The following USP42 variants were observed in gnomAD, a reference collection of about 807,000 sequenced individuals.
USP42 encodes the protein ubiquitin specific peptidase 42, also known as ubiquitin carboxyl-terminal hydrolase 42.
In USP42, 23 loss-of-function variants were observed where a neutral mutation model predicts 113.0. The observed-to-expected ratio is 0.20, with a 90% CI of 0.15 to 0.29. USP42 has a LOEUF of 0.29. Among genes scored for constraint, USP42 ranks in the 10% least tolerant of loss-of-function variants. The pLI is 1.00. For synonymous variants in USP42, 933 were observed against 699.0 expected (o/e 1.33, Z -5.28); for missense variants, 2,174 against 1,779.8 (o/e 1.22, Z -3.99).
chr7:6,157,238 A>G lies in USP42; in HGVS notation c.3943+183A>G. On this transcript the variant is annotated intron_variant, in intron 16 of 17. Transcript: ENST00000306177. The surrounding 1 kb of genome is among the most constrained non-coding windows in gnomAD (Gnocchi z 4.1). ...TCCCTGCAGTGTGGTTCCGTTGCAC[A>G]GTTAAGCCCTTAGCGTTTATTGAAG... The G allele has an allele frequency of 7.2e-7, 1 of 1,386,046 alleles. No homozygotes were observed. Among genetic ancestry groups the G allele is most frequent in the Non-Finnish European group, 9.3e-7 (1 of 1,075,082 alleles). 85.9% of individuals were successfully genotyped at this position (1,386,046 alleles called of 1,614,324 possible).
At chr7:6,150,804 A>C (rs973964902) in intron 14 of USP42, among the ~76,000 whole-genome samples, 1 of 152,036 alleles carries the variant, frequency 6.6e-6, no homozygotes, top group Non-Finnish European at 1.5e-5. Flanking sequence ...GTGCCATCTC[A>C]TTTCATCTTT....
intron 3 of USP42, among the ~76,000 whole-genome samples, chr7:6,130,101 T>G (rs537191872): frequency 6.6e-6 from 1 of 152,154 alleles, no homozygotes; most frequent in Admixed American, 6.5e-5. Flanking sequence ...TCCTCTTGCG[T>G]CGACCTCCGA....
chr7:6,097,547 C>T, the USP42 span, among the ~76,000 whole-genome samples: 1 of 150,712 alleles, frequency 6.6e-6, no homozygotes, highest in Non-Finnish European at 1.5e-5. Context: ...GTTGTGATTA[C>T]AAGCATAAGC....
rs1763580363 is a variant in USP42 at position 6,139,901 on chromosome 7, ACACAGCTCC to A, written c.657-218_657-210del. The A allele has an allele frequency of 1.7e-6, 1 of 573,726 alleles. No homozygotes were observed. The highest frequency in any genetic ancestry group is 3.1e-6 in the Non-Finnish European group (1 of 321,718). The allele number at this position is 573,726 out of a possible 1,614,324, so 35.5% of individuals were successfully genotyped here. The stretch of plus-strand genomic sequence containing the variant: ...TGCTTCCCGAGTCCCTTCCTGACAG[ACACAGCTCC>A]CACAGCTCTGCGTCTCCTCCCGCCA... On this transcript the variant is annotated intron_variant, in intron 5 of 17. Transcript: ENST00000306177. The surrounding 1 kb of genome is among the most constrained non-coding windows in gnomAD (Gnocchi z 4.5).
rs780504681 is a variant in USP42 at position 6,154,358 on chromosome 7, C to G, written c.2804C>G (p.Pro935Arg). ...GCCGCGGCGCCGAAAGCCCCAGGCC[C>G]TTCCCCAGCGAAGGAGAAAATCGGC... ...EDAAAPKAPG[P>R]SPAKEKIGSL... Residue 935 changes from proline to arginine, a missense_variant, in exon 15 of 18, where the codon CCT (proline) becomes CGT (arginine). By Grantham distance (103) the Pro-to-Arg change is moderately radical (BLOSUM62 -2). Coordinates refer to ENST00000306177, the MANE Select transcript of USP42 (RefSeq NM_032172.3). The G allele has an allele frequency of 1.9e-5, 30 of 1,574,306 alleles. No homozygotes were observed. The highest frequency in any genetic ancestry group is 1.3e-4 in the Admixed American group (7 of 53,974).
At position 6,133,805 on chromosome 7, in the gene USP42, C is replaced by G. The variant is rs373600173; in HGVS notation, c.443-2036C>G. Among the ~76,000 whole-genome samples, 9 of 152,212 alleles carry G rather than the reference C, an allele frequency of 5.9e-5. No individual in the cohort carries two copies. In the East Asian group the frequency reaches 1.7e-3, roughly 29 times the overall value. On this transcript the variant is annotated intron_variant, in intron 3 of 17. Coordinates refer to ENST00000306177, the MANE Select transcript of USP42 (RefSeq NM_032172.3). ...GAAGCACTGGGATGACAGGCGTAAG[C>G]CACCGCACCTGGTGCATTTTTCATC... is the stretch of plus-strand genomic sequence containing the variant.
intron 3 of USP42, among the ~76,000 whole-genome samples, chr7:6,131,638 G>T (rs1780857323): frequency 6.6e-6 from 1 of 152,166 alleles, no homozygotes; most frequent in Non-Finnish European, 1.5e-5. Context: ...GGGCTTGGTT[G>T]CCTGCAGTTG....
At position 6,135,915 on chromosome 7, in the gene USP42, G is replaced by A. The variant is rs374814529; in HGVS notation, c.517G>A (p.Val173Ile). The change falls in exon 4 of 18, where the codon GTT (valine) becomes ATT (isoleucine). Residue 173 changes from valine (V) to isoleucine (I), a missense_variant. Val to Ile is a conservative substitution (Grantham distance 29, BLOSUM62 3). Coordinates refer to ENST00000306177, the MANE Select transcript of USP42 (RefSeq NM_032172.3). Reference sequence around the variant, plus strand: ...CCAGGCACTCAGTAATCCTGGGGACGTTATTAAACCAATGTTTGTCATCAA... The same window carrying A: ...CCAGGCACTCAGTAATCCTGGGGACATTATTAAACCAATGTTTGTCATCAA... Reference protein sequence around the residue: ...ITQALSNPGDVIKPMFVINEM... With the variant: ...ITQALSNPGDIIKPMFVINEM... The A allele has an allele frequency of 1.2e-6, 2 of 1,607,234 alleles. No individual in the cohort carries two copies. Among genetic ancestry groups the A allele is most frequent in the Admixed American group, 1.7e-5 (1 of 59,386 alleles).
At chr7:6,106,442 A>G (rs1447343604) in intron 1 of USP42, among the ~76,000 whole-genome samples, 1 of 152,240 alleles carries the variant, frequency 6.6e-6, no homozygotes, top group Non-Finnish European at 1.5e-5. Flanking sequence ...CTAGCATTTG[A>G]TAACAAGGGA....
chr7:6,122,782 T>A (rs1321142372), intron 3 of USP42, among the ~76,000 whole-genome samples: 4 of 151,464 alleles, frequency 2.6e-5, no homozygotes, highest in African/African-American at 4.9e-5. Context: ...ATTTTTTTTT[T>A]AAATAGAGAT....
chr7:6,105,124 C>T lies in USP42; in HGVS notation c.-10+92C>T, dbSNP rs1339020598. 4 of 146,816 alleles carry T rather than the reference C, an allele frequency of 2.7e-5. No individual in the cohort carries two copies. In the East Asian group the frequency reaches 5.9e-4, roughly 22 times the overall value. 9.1% of individuals were successfully genotyped at this position (146,816 alleles called of 1,614,324 possible). A position where few individuals can be genotyped will look rare whatever the true frequency, so the allele number is the denominator to read the frequency against. ...TGGGCCGCCGCTGGCTCGGCCGCCC[C>T]TCAGCCGGCGCGGCCCGCCGGGGGC... On this transcript the variant is annotated intron_variant, in intron 1 of 17. Transcript: ENST00000306177.
At chr7:6,109,817 C>T (rs779463382) in intron 1 of USP42, among the ~76,000 whole-genome samples, 44 of 151,320 alleles carry the variant, frequency 2.9e-4, no homozygotes, top group Admixed American at 5.3e-4. Flanking sequence ...TTTCCTGACT[C>T]AGCCTCCCAA....
At chr7:6,082,387 C>T in the USP42 span, among the ~76,000 whole-genome samples, 1 of 151,774 alleles carries the variant, frequency 6.6e-6, no homozygotes, top group South Asian at 2.1e-4. Flanking sequence ...CTTGGCCTCC[C>T]GAAGTGCTGG....
At chr7:6,121,034 T>G (rs1407317340) in intron 3 of USP42, among the ~76,000 whole-genome samples, 1 of 150,686 alleles carries the variant, frequency 6.6e-6, no homozygotes, top group Non-Finnish European at 1.5e-5. Context: ...TCTAGTAGGT[T>G]TTTTTTTTTA....
intron 1 of USP42, among the ~76,000 whole-genome samples, chr7:6,108,775 A>T (rs113835225): frequency 0.078 from 11,896 of 152,208 alleles, 623 homozygotes; most frequent in African/African-American, 0.14. Context: ...CACTGCGCCC[A>T]GCCTCAATAT....
At chr7:6,133,427 C>T (rs546673897) in intron 3 of USP42, among the ~76,000 whole-genome samples, 96 of 152,262 alleles carry the variant, frequency 6.3e-4, no homozygotes, top group Admixed American at 2.0e-3. Flanking sequence ...ATATTTTCTA[C>T]CCATAATGAA....
At chr7:6,160,111 G>A (rs945680598) in intron 17 of USP42, among the ~76,000 whole-genome samples, 3 of 151,772 alleles carry the variant, frequency 2.0e-5, no homozygotes, top group Non-Finnish European at 4.4e-5. Context: ...AGAGGGGACA[G>A]TGAACCATTT....
intron 14 of USP42, among the ~76,000 whole-genome samples, chr7:6,153,325 G>A (rs1782183726): frequency 6.6e-6 from 1 of 151,832 alleles, no homozygotes; most frequent in South Asian, 2.1e-4. Flanking sequence ...TAGAGGAATT[G>A]GAAGAACTAG....
chr7:6,125,194 A>C (rs1723353268), intron 3 of USP42, among the ~76,000 whole-genome samples: 1 of 150,762 alleles, frequency 6.6e-6, no homozygotes, highest in East Asian at 1.9e-4. Context: ...AAAAAAAAAA[A>C]AAAAAAAAAA....
Sources: allele counts gnomAD v4.1 joint callset (sites outside exome capture counted in the v4.1 genomes callset), GRCh38; gene constraint gnomAD v4.1.1; non-coding constraint Gnocchi (gnomAD v3.1); transcripts MANE v1.5; gene names NCBI Gene and HGNC (gene_info 2026-07-23, HGNC 2026-07-21).